Variants in ZNF609 observed in about 807,000 individuals in gnomAD.
ZNF609 encodes the protein zinc finger protein 609.
ZNF609 carries 11 observed loss-of-function variants against 109.5 expected under a neutral mutation model. The ratio of observed to expected loss-of-function variants is 0.10; its 90% CI spans 0.06 to 0.17. ZNF609 has a LOEUF of 0.17. ZNF609 is among the 10% of genes least tolerant of loss of function. The pLI, the probability that ZNF609 is intolerant of heterozygous loss-of-function variation, is 1.00. For synonymous variants in ZNF609, 646 were observed against 662.0 expected, an observed-to-expected ratio of 0.98 and a Z score of 0.37; for missense variants, 1,559 against 1,772.4, an observed-to-expected ratio of 0.88 and a Z score of 2.16.
chr15:64,562,201 G>A (rs1894692352), intron 2 of ZNF609, among the ~76,000 whole-genome samples: 2 of 152,190 alleles, frequency 1.3e-5, no homozygotes, highest in Non-Finnish European at 2.9e-5. Flanking sequence ...ATAGTGCCAA[G>A]AACATTGATA....
rs140363056 is a variant in ZNF609, at chr15:64,493,688, G to T, written c.-127-5605G>T. ...TGGAGTACACTTAGGCAGAAGGAGA[G>T]AAAAGAAAGGAAAATAATCACAGAA... On this transcript the variant is annotated intron_variant, in intron 1 of 9. Coordinates refer to ENST00000326648, the MANE Select transcript of ZNF609 (RefSeq NM_015042.2). 6.6e-3 allele frequency among the ~76,000 whole-genome samples: 1,003 copies of T among 152,294 alleles called. 9 individuals are homozygous for T. Among genetic ancestry groups the T allele is most frequent in the Non-Finnish European group, 7.1e-3 (481 of 68,014 alleles).
intron 2 of ZNF609, among the ~76,000 whole-genome samples, chr15:64,618,223 A>T (rs927693033): frequency 6.6e-6 from 1 of 152,050 alleles, no homozygotes; most frequent in Non-Finnish European, 1.5e-5. Flanking sequence ...CCCCCGGGAC[A>T]AAACTTTCCT....
chr15:64,644,516 A>G (rs1213149884), intron 3 of ZNF609, among the ~76,000 whole-genome samples: 3 of 152,186 alleles, frequency 2.0e-5, no homozygotes, highest in Non-Finnish European at 2.9e-5. Flanking sequence ...AAAATAATAA[A>G]AAGAATCAGA....
intron 2 of ZNF609, among the ~76,000 whole-genome samples, chr15:64,530,471 A>G (rs1894043413): frequency 6.6e-6 from 1 of 152,228 alleles, no homozygotes; most frequent in Admixed American, 6.5e-5. Context: ...CACGGCTACA[A>G]TATATTGAAC....
At chr15:64,599,487 C>G (rs1478073552) in intron 2 of ZNF609, among the ~76,000 whole-genome samples, 1 of 152,040 alleles carries the variant, frequency 6.6e-6, no homozygotes, top group African/African-American at 2.4e-5. Flanking sequence ...CTAATCATAC[C>G]TAATTCCTTT....
chr15:64,499,605 C>G lies in ZNF609; in HGVS notation c.186C>G (p.Pro62=), dbSNP rs747933381. 2.5e-6 allele frequency: 4 copies of G among 1,614,108 alleles called. No individual in the cohort carries two copies. Among genetic ancestry groups the G allele is most frequent in the Non-Finnish European group, 3.4e-6 (4 of 1,180,026 alleles). ...SGSKEVGIPA[P]NAVATLPDNI... is the part of the protein sequence containing the mutation. ...CAAAGGAGGTGGGGATACCGGCTCC[C>G]AATGCTGTGGCCACACTACCAGACA... Residue 62 remains proline (P), a synonymous_variant, in exon 2 of 10, where the codon CCC becomes CCG. Transcript: ENST00000326648.
intron 2 of ZNF609, chr15:64,592,898 G>T (rs1023674945): frequency 8.5e-6 from 6 of 708,868 alleles, no homozygotes; most frequent in Non-Finnish European, 7.2e-6. Flanking sequence ...GGGCAACAGA[G>T]CAAGACTCTT....
intron 3 of ZNF609, among the ~76,000 whole-genome samples, chr15:64,627,062 AGCCT>A (rs1157716303): frequency 6.6e-6 from 1 of 152,000 alleles, no homozygotes; most frequent in African/African-American, 2.4e-5. Flanking sequence ...TGCAAAAATT[AGCCT>A]GTAATCCCAG....
intron 3 of ZNF609, 118 bp from the exon 4 acceptor site, chr15:64,670,228 G>A: frequency 1.3e-6 from 1 of 774,126 alleles, no homozygotes; most frequent in East Asian, 2.6e-5. Context: ...TTGTCCCATT[G>A]GTACCCAGAG....
intron 2 of ZNF609, among the ~76,000 whole-genome samples, chr15:64,507,062 TA>T (rs1381886059): frequency 6.6e-6 from 1 of 152,182 alleles, no homozygotes; most frequent in African/African-American, 2.4e-5. Flanking sequence ...AAAATTAGCT[TA>T]GGGCATATTG....
chr15:64,541,622 C>T (rs2140381802), intron 2 of ZNF609, among the ~76,000 whole-genome samples: 1 of 151,488 alleles, frequency 6.6e-6, no homozygotes, highest in Non-Finnish European at 1.5e-5. Flanking sequence ...GGGCAGATCA[C>T]GAGGTCAGGA....
At chr15:64,490,296 G>T (rs550235542) in intron 1 of ZNF609, among the ~76,000 whole-genome samples, 2 of 142,802 alleles carry the variant, frequency 1.4e-5, no homozygotes, top group African/African-American at 5.3e-5. Context: ...TTTTCGAGAC[G>T]GAGTTTTGCT....
At chr15:64,512,652 T>C (rs11852682) in intron 2 of ZNF609, among the ~76,000 whole-genome samples, 2 of 152,190 alleles carry the variant, frequency 1.3e-5, no homozygotes, top group African/African-American at 2.4e-5. Context: ...TTCTTTGTTG[T>C]TGATTTTTTT....
intron 2 of ZNF609, among the ~76,000 whole-genome samples, chr15:64,565,232 G>GTATTATTTTTATTAT (rs1555419576): frequency 7.2e-6 from 1 of 138,736 alleles, no homozygotes; most frequent in Non-Finnish European, 1.5e-5. Flanking sequence ...GCTAATTTTT[G>GTATTATTTTTATTAT]TATTATTATT....
chr15:64,576,051 G>A (rs1003006777), intron 2 of ZNF609, among the ~76,000 whole-genome samples: 11 of 152,060 alleles, frequency 7.2e-5, no homozygotes, highest in African/African-American at 2.4e-4. Context: ...GCAGTGAGCC[G>A]AGATCGCGCC....
intron 2 of ZNF609, among the ~76,000 whole-genome samples, chr15:64,543,446 CTTT>C (rs1444264335): frequency 3.0e-5 from 4 of 133,234 alleles, no homozygotes; most frequent in Non-Finnish European, 4.9e-5. Context: ...TTGTTTTTTG[CTTT>C]TTTTTTTTTT....
intron 2 of ZNF609, among the ~76,000 whole-genome samples, chr15:64,608,333 A>T (rs1418842796): frequency 6.6e-6 from 1 of 152,152 alleles, no homozygotes; most frequent in African/African-American, 2.4e-5. Context: ...CAGTACTCTC[A>T]TGTACCATGT....
chr15:64,553,321 A>G (rs1014947504), intron 2 of ZNF609, among the ~76,000 whole-genome samples: 4 of 150,966 alleles, frequency 2.6e-5, no homozygotes, highest in Non-Finnish European at 5.9e-5. Context: ...CATTGAATCT[A>G]TCAATAAATA....
At position 64,461,907 on chromosome 15, in the gene ZNF609, G is replaced by A. The variant is rs1284043686; in HGVS notation, c.-128+1069G>A. Among the ~76,000 whole-genome samples, 3 of 152,152 alleles carry A rather than the reference G, an allele frequency of 2.0e-5. No homozygotes were observed. In the East Asian group the frequency reaches 5.8e-4, roughly 29 times the overall value. On this transcript the variant is annotated intron_variant, in intron 1 of 9. Transcript: ENST00000326648. The stretch of plus-strand genomic sequence containing the variant: ...CCCTGCTGCTTTGTCTTGGGGGAGG[G>A]AGTGCTGGTTTAGGCTGTTGTGAGG...
Sources: gnomAD v4.1 joint callset for allele counts (sites outside exome capture counted in the v4.1 genomes callset) on GRCh38, gnomAD v4.1.1 for gene constraint, MANE v1.5 for transcripts, NCBI Gene and HGNC (gene_info 2026-07-23, HGNC 2026-07-21) for gene names.